The following CACNA1A variants were observed in gnomAD, a reference collection of about 807,000 sequenced individuals.
The protein encoded by CACNA1A is voltage-dependent P/Q-type calcium channel subunit alpha-1A.
Under a neutral mutation model 262.4 loss-of-function variants are expected in CACNA1A, and 57 were observed. The observed-to-expected ratio is 0.22, with a 90% CI of 0.18 to 0.27. CACNA1A has a LOEUF of 0.27. Among genes scored for constraint, CACNA1A ranks in the 10% least tolerant of loss-of-function variants. The probability of loss-of-function intolerance (pLI) is 1.00; values close to 1 mark genes in which losing one functional copy is unlikely to be tolerated. For synonymous variants in CACNA1A, 1,431 were observed against 1,419.3 expected, an observed-to-expected ratio of 1.01 and a Z score of -0.18; for missense variants, 2,526 against 3,562.8, an observed-to-expected ratio of 0.71 and a Z score of 7.41.
chr19:13,300,402 T>C, intron 18 of CACNA1A, 148 bp downstream of exon 18: 1 of 636,608 alleles, frequency 1.6e-6, no homozygotes, highest in Non-Finnish European at 2.9e-6. Context: ...AAATATTTAT[T>C]GAGTGAAAGT....
At chr19:13,389,122 C>T (rs971030361) in intron 3 of CACNA1A, among the ~76,000 whole-genome samples, 3 of 152,122 alleles carry the variant, frequency 2.0e-5, no homozygotes, top group East Asian at 1.9e-4. Flanking sequence ...AGGCTGGTCT[C>T]GAACTCCTGA....
Position 13,212,522 on chromosome 19 carries a change from C to G in CACNA1A, c.6051G>C (p.Leu2017=). 1 of 1,567,062 alleles carries G rather than the reference C, an allele frequency of 6.4e-7. No individual in the cohort carries two copies. Among genetic ancestry groups the G allele is most frequent in the Middle Eastern group, 1.7e-4 (1 of 5,998 alleles). The stretch of plus-strand genomic sequence containing the variant: ...CCTTGAGGCCGCTTTCGTGAGCCAT[C>G]CTGCATGGGGGACAGAGGCCGGGGT... ...PSTQLDPGGA[L]MAHESGLKES... The change falls in exon 42 of 47, where the codon CTG becomes CTC. Residue 2017 remains leucine (L), a splice_region_variant and synonymous_variant. Coordinates refer to ENST00000360228, the MANE Select transcript of CACNA1A (RefSeq NM_001127222.2). This position sits in a 1 kb window ranked among gnomAD's most constrained non-coding sequence, Gnocchi z 5.6.
intron 1 of CACNA1A, among the ~76,000 whole-genome samples, chr19:13,503,574 C>CT (rs1982642025): frequency 6.6e-6 from 1 of 151,838 alleles, no homozygotes. Context: ...GGCCTGAATT[C>CT]TTTTATTCAC....
rs746444357 is a variant in CACNA1A, at chr19:13,336,639, G to A, written c.979-730C>T. ...AGAGAGAGAGAGAGAGAGAGAGAGA[G>A]AAAAGAATGATAAAAGCCAGCACTT... On this transcript the variant is annotated intron_variant, in intron 6 of 46. Coordinates refer to ENST00000360228, the MANE Select transcript of CACNA1A (RefSeq NM_001127222.2). Among the ~76,000 whole-genome samples the A allele has an allele frequency of 9.1e-4, 134 of 147,146 alleles. No homozygotes were observed. The Middle Eastern group carries it at 0.025, about 28-fold the overall frequency.
intron 3 of CACNA1A, among the ~76,000 whole-genome samples, chr19:13,446,306 A>G (rs1038542736): frequency 9.9e-5 from 15 of 151,640 alleles, no homozygotes; most frequent in Admixed American, 5.3e-4. Flanking sequence ...CACTGTCTCA[A>G]TGTCAAATTA....
intron 3 of CACNA1A, among the ~76,000 whole-genome samples, chr19:13,424,987 G>A (rs911745398): frequency 6.6e-6 from 1 of 151,694 alleles, no homozygotes; most frequent in African/African-American, 2.4e-5. Context: ...TCTATCTTTA[G>A]TATAGATGGG....
At chr19:13,466,314 T>C (rs547984225) in intron 1 of CACNA1A, among the ~76,000 whole-genome samples, 19 of 151,994 alleles carry the variant, frequency 1.3e-4, no homozygotes, top group East Asian at 5.8e-4. Flanking sequence ...GTCCTTTTTT[T>C]TTTTTTTTCC....
intron 3 of CACNA1A, among the ~76,000 whole-genome samples, chr19:13,435,930 T>C (rs2060604884): frequency 6.6e-6 from 1 of 152,214 alleles, no homozygotes; most frequent in South Asian, 2.1e-4. Context: ...GTTCAGGTGA[T>C]TCTCATGCCT....
intron 24 of CACNA1A, chr19:13,263,111 T>C (rs1336841993): frequency 2.4e-6 from 1 of 416,126 alleles, no homozygotes; most frequent in South Asian, 2.7e-5. Flanking sequence ...GTATTGGGTG[T>C]CCCTGAGACC....
chr19:13,226,253 C>CGGGGGGGGGGGG (rs55778152), intron 37 of CACNA1A: 1 of 55,888 alleles, frequency 1.8e-5, no homozygotes, highest in Admixed American at 1.7e-4. Context: ...TGAGGAAAAC[C>CGGGGGGGGGGGG]GGGGGGGGGG....
intron 6 of CACNA1A, among the ~76,000 whole-genome samples, chr19:13,336,761 C>T (rs1208842098): frequency 6.6e-6 from 1 of 152,118 alleles, no homozygotes; most frequent in South Asian, 2.1e-4. Context: ...TGTTATAATG[C>T]CCATGTTACT....
chr19:13,454,356 T>G (rs954674401), intron 2 of CACNA1A, among the ~76,000 whole-genome samples: 1 of 151,724 alleles, frequency 6.6e-6, no homozygotes. Flanking sequence ...TTTGTAATAT[T>G]CTTGTTTCTT....
chr19:13,357,366 C>T (rs1159634362), intron 6 of CACNA1A, among the ~76,000 whole-genome samples: 1 of 152,166 alleles, frequency 6.6e-6, no homozygotes, highest in African/African-American at 2.4e-5. Context: ...GAGGAAAGTT[C>T]AGCTTCTCTA....
chr19:13,419,849 G>A (rs1388287250), intron 3 of CACNA1A, among the ~76,000 whole-genome samples: 1 of 152,108 alleles, frequency 6.6e-6, no homozygotes, highest in African/African-American at 2.4e-5. Flanking sequence ...ACTTTGGGAG[G>A]CCGAGGTGGG....
At position 13,257,500 on chromosome 19, in the gene CACNA1A, G is replaced by A. The variant is rs756711282; in HGVS notation, c.4440C>T (p.Pro1480=). ...DATFENQGPS[P]GYRMEMSIFY... is the part of the protein sequence containing the mutation. ...AAATGGACATCTCCATGCGGTACCC[G>A]GGGCTGGGGCCCTGGTTCTCAAAGG... is the stretch of plus-strand genomic sequence containing the variant. The change falls in exon 28 of 47, where the codon CCC becomes CCT. Residue 1480 remains proline (P), a synonymous_variant. Coordinates refer to ENST00000360228, the MANE Select transcript of CACNA1A (RefSeq NM_001127222.2). 2.2e-5 allele frequency: 36 copies of A among 1,604,722 alleles called. No homozygotes were observed. The highest frequency in any genetic ancestry group is 8.6e-5 in the Admixed American group (5 of 57,962).
chr19:13,347,612 T>C lies in CACNA1A; in HGVS notation c.979-11703A>G, dbSNP rs546178061. On this transcript the variant is annotated intron_variant, in intron 6 of 46. Transcript: ENST00000360228. ...CACGCTACAGGAGCAGATTGAGTCGTTGCGATGGAGACCATCTGGCCCACA... is the reference window on the plus strand; with the variant it reads ...CACGCTACAGGAGCAGATTGAGTCGCTGCGATGGAGACCATCTGGCCCACA... 2.2e-4 allele frequency among the ~76,000 whole-genome samples: 34 copies of C among 152,350 alleles called. 1 individual carries two copies. In the South Asian group the frequency reaches 6.8e-3, roughly 31 times the overall value.
At chr19:13,290,489 A>C (rs1568499654) in intron 19 of CACNA1A, among the ~76,000 whole-genome samples, 1 of 152,050 alleles carries the variant, frequency 6.6e-6, no homozygotes, top group Non-Finnish European at 1.5e-5. Context: ...GTATGACCAT[A>C]GCTCACTGCA....
chr19:13,492,153 C>G (rs1244742668), intron 1 of CACNA1A, among the ~76,000 whole-genome samples: 1 of 152,172 alleles, frequency 6.6e-6, no homozygotes, highest in Non-Finnish European at 1.5e-5. Flanking sequence ...AGCCTCCCTC[C>G]CTCCACTACA....
rs550574983 is a variant in CACNA1A at position 13,375,527 on chromosome 19, C to T, written c.540-3748G>A. Among the ~76,000 whole-genome samples, 5 of 152,256 alleles carry T rather than the reference C, an allele frequency of 3.3e-5. No individual in the cohort carries two copies. The East Asian group carries it at 9.6e-4, about 29-fold the overall frequency. On this transcript the variant is annotated intron_variant, in intron 3 of 46. Transcript: ENST00000360228. ...ATAGGGCCAGGGATGGTGGCTCATGCCTGTAATCCGAGCATTTTGGGAGGC... is the reference window on the plus strand; with the variant it reads ...ATAGGGCCAGGGATGGTGGCTCATGTCTGTAATCCGAGCATTTTGGGAGGC...
Sources: allele counts gnomAD v4.1 joint callset (sites outside exome capture counted in the v4.1 genomes callset), GRCh38; gene constraint gnomAD v4.1.1; non-coding constraint Gnocchi (gnomAD v3.1); transcripts MANE v1.5; gene names NCBI Gene and HGNC (gene_info 2026-07-23, HGNC 2026-07-21).